The following DSCAM variants were observed in gnomAD, a reference collection of about 807,000 sequenced individuals.
DSCAM encodes DS cell adhesion molecule, also known as cell adhesion molecule DSCAM.
DSCAM carries 47 observed loss-of-function variants against 217.7 expected under a neutral mutation model. The ratio of observed to expected loss-of-function variants is 0.22; its 90% CI spans 0.17 to 0.28. The LOEUF is 0.28. Ranked by LOEUF, DSCAM falls within the 10% of genes least tolerant of loss-of-function variation. The probability of loss-of-function intolerance (pLI) is 1.00; values close to 1 mark genes in which losing one functional copy is unlikely to be tolerated. For synonymous variants in DSCAM, 1,056 were observed against 1,015.3 expected (o/e 1.04, Z -0.76); for missense variants, 2,080 against 2,618.3 (o/e 0.79, Z 4.49).
intron 1 of DSCAM, among the ~76,000 whole-genome samples, chr21:40,810,557 C>A (rs961782265): frequency 1.3e-5 from 2 of 152,134 alleles, no homozygotes. Context: ...TGACCCAGCT[C>A]CAACCTCCCT....
chr21:40,543,559 T>C (rs1390058416), intron 3 of DSCAM, among the ~76,000 whole-genome samples: 1 of 150,226 alleles, frequency 6.7e-6, no homozygotes, highest in Non-Finnish European at 1.5e-5. Context: ...TCATACCTCA[T>C]GGGAAGGGGG....
intron 3 of DSCAM, among the ~76,000 whole-genome samples, chr21:40,516,906 T>TATATATACAC (rs1555849637): frequency 2.1e-5 from 3 of 145,566 alleles, no homozygotes; most frequent in Admixed American, 7.0e-5. Context: ...TATATATATA[T>TATATATACAC]ACACACACAC....
chr21:40,356,770 G>A (rs893513972), intron 4 of DSCAM, among the ~76,000 whole-genome samples: 1 of 152,192 alleles, frequency 6.6e-6, no homozygotes, highest in Non-Finnish European at 1.5e-5. Flanking sequence ...ATATACAAGA[G>A]AGTAAATTTC....
At position 40,722,835 on chromosome 21, in the gene DSCAM, T is replaced by A. The variant is rs569650556; in HGVS notation, c.44-14064A>T. On this transcript the variant is annotated intron_variant, in intron 1 of 32. Transcript: ENST00000400454. ...CCAAAAGTAAAAAAAATAGAAAAAA[T>A]ATAAGCTAACACTACTCTAAAGAAA... Among the ~76,000 whole-genome samples, 33 of 151,860 alleles carry A rather than the reference T, an allele frequency of 2.2e-4. No individual in the cohort carries two copies. The South Asian group carries it at 6.5e-3, about 30-fold the overall frequency.
chr21:40,368,211 A>C (rs556266490), intron 4 of DSCAM, among the ~76,000 whole-genome samples: 1 of 152,282 alleles, frequency 6.6e-6, no homozygotes, highest in East Asian at 1.9e-4. Flanking sequence ...TGCCATTAGA[A>C]AATTTCTCTT....
intron 3 of DSCAM, among the ~76,000 whole-genome samples, chr21:40,505,983 C>CCA (rs2076207318): frequency 2.0e-5 from 3 of 152,188 alleles, no homozygotes; most frequent in African/African-American, 4.8e-5. Context: ...ATGCAAAGAA[C>CCA]CACACACACA....
intron 11 of DSCAM, among the ~76,000 whole-genome samples, chr21:40,206,650 T>A (rs1161417445): frequency 6.8e-6 from 1 of 147,314 alleles, no homozygotes; most frequent in Non-Finnish European, 1.5e-5. Context: ...AATGTGGTAG[T>A]AAACATTTCT....
intron 8 of DSCAM, among the ~76,000 whole-genome samples, chr21:40,318,142 A>C (rs2074220252): frequency 7.3e-6 from 1 of 137,434 alleles, no homozygotes; most frequent in Admixed American, 8.2e-5. Flanking sequence ...CAATGAGAAC[A>C]CATGGACACA....
chr21:40,386,061 G>A (rs978422673), intron 3 of DSCAM, among the ~76,000 whole-genome samples: 2 of 152,160 alleles, frequency 1.3e-5, no homozygotes, highest in Non-Finnish European at 2.9e-5. Flanking sequence ...CAAGATTAGT[G>A]TACATTTGTG....
At chr21:40,554,171 G>T (rs1460413560) in intron 3 of DSCAM, among the ~76,000 whole-genome samples, 1 of 150,978 alleles carries the variant, frequency 6.6e-6, no homozygotes, top group African/African-American at 2.4e-5. Flanking sequence ...GCATCACCAT[G>T]CCTGGCTGTT....
At chr21:40,589,514 T>C (rs533068455) in intron 3 of DSCAM, among the ~76,000 whole-genome samples, 2 of 150,910 alleles carry the variant, frequency 1.3e-5, no homozygotes, top group African/African-American at 4.9e-5. Context: ...AGGTGGAGGT[T>C]GCAGTGAGCC....
At chr21:40,064,102 T>A (rs186289837) in intron 27 of DSCAM, among the ~76,000 whole-genome samples, 201 of 142,302 alleles carry the variant, frequency 1.4e-3, no homozygotes, top group Middle Eastern at 7.1e-3. Context: ...CCTGAATGAT[T>A]TAACACTTAC....
At chr21:40,504,515 C>T (rs542302649) in intron 3 of DSCAM, among the ~76,000 whole-genome samples, 67 of 152,274 alleles carry the variant, frequency 4.4e-4, no homozygotes, top group African/African-American at 1.4e-3. Flanking sequence ...ATACAGGATA[C>T]AACAAGCTTT....
intron 3 of DSCAM, among the ~76,000 whole-genome samples, chr21:40,437,803 T>A (rs1323908362): frequency 6.6e-6 from 1 of 152,046 alleles, no homozygotes; most frequent in African/African-American, 2.4e-5. Flanking sequence ...TGAGCCGAGA[T>A]CCTGCCACTG....
At chr21:40,018,556 C>A (rs2088205970) in intron 32 of DSCAM, among the ~76,000 whole-genome samples, 1 of 152,156 alleles carries the variant, frequency 6.6e-6, no homozygotes, top group African/African-American at 2.4e-5. Context: ...ATTTTAGTGA[C>A]TCCCCATTGA....
intron 14 of DSCAM, among the ~76,000 whole-genome samples, chr21:40,185,707 C>T (rs1379127015): frequency 6.6e-6 from 1 of 151,432 alleles, no homozygotes; most frequent in Non-Finnish European, 1.5e-5. Flanking sequence ...GCATTTGCTT[C>T]ACTTCAAGAC....
chr21:40,684,062 T>A (rs2090447698), intron 3 of DSCAM, among the ~76,000 whole-genome samples: 1 of 144,240 alleles, frequency 6.9e-6, no homozygotes, highest in Non-Finnish European at 1.5e-5. Flanking sequence ...CTGTCTCTAC[T>A]AAAAAAAAAA....
chr21:40,487,185 T>C (rs957505163), intron 3 of DSCAM, among the ~76,000 whole-genome samples: 3 of 152,006 alleles, frequency 2.0e-5, no homozygotes, highest in African/African-American at 7.2e-5. Flanking sequence ...GTTCATGGAA[T>C]AATCTCAGGG....
At chr21:40,530,219 T>C (rs892741765) in intron 3 of DSCAM, among the ~76,000 whole-genome samples, 5 of 152,178 alleles carry the variant, frequency 3.3e-5, no homozygotes, top group African/African-American at 1.2e-4. Flanking sequence ...CCTGATTTGG[T>C]TTTCTTTTTA....
Sources: gnomAD v4.1 joint callset for allele counts (sites outside exome capture counted in the v4.1 genomes callset) on GRCh38, gnomAD v4.1.1 for gene constraint, MANE v1.5 for transcripts, NCBI Gene and HGNC (gene_info 2026-07-23, HGNC 2026-07-21) for gene names.